Variants in ACTN4 observed in about 807,000 individuals in gnomAD.
ACTN4 encodes the protein alpha-actinin-4.
ACTN4 carries 18 observed loss-of-function variants against 114.2 expected under a neutral mutation model. That is an observed-to-expected ratio of 0.16 (90% CI 0.11 to 0.23). The LOEUF (loss-of-function observed/expected upper bound fraction) is 0.23. ACTN4 is among the 10% of genes least tolerant of loss of function. The pLI is 1.00. For synonymous variants in ACTN4, 515 were observed against 506.3 expected, an observed-to-expected ratio of 1.02 and a Z score of -0.23; for missense variants, 722 against 1,262.9, an observed-to-expected ratio of 0.57 and a Z score of 6.49.
In ACTN4 at chr19:38,729,916, C is replaced by T. The variant is rs1969425333; in HGVS notation, c.*484C>T. ...ACGGCTGGGGACCCACCCAGCCCCT[C>T]TCCCCTCTCTGCTCCAGACTCACTT... On this transcript the variant is annotated 3_prime_UTR_variant, in exon 21 of 21. Coordinates refer to ENST00000252699, the MANE Select transcript of ACTN4 (RefSeq NM_004924.6). The T allele has an allele frequency of 8.6e-6, 3 of 350,476 alleles. No homozygotes were observed. Among genetic ancestry groups the T allele is most frequent in the South Asian group, 2.1e-5 (1 of 47,138 alleles). 21.7% of individuals were successfully genotyped at this position (350,476 alleles called of 1,614,324 possible). A position where few individuals can be genotyped will look rare whatever the true frequency, so the allele number is the denominator to read the frequency against.
chr19:38,681,168 C>T (rs572199841), intron 1 of ACTN4, among the ~76,000 whole-genome samples: 1 of 146,778 alleles, frequency 6.8e-6, no homozygotes, highest in South Asian at 2.3e-4. Flanking sequence ...ATTCTAAACT[C>T]ACAGTGCTGC....
chr19:38,722,708 G>T (rs1278934691), intron 12 of ACTN4, among the ~76,000 whole-genome samples: 1 of 152,244 alleles, frequency 6.6e-6, no homozygotes, highest in Non-Finnish European at 1.5e-5. Context: ...ACCCTCGGGG[G>T]TGTGGGGGTG....
chr19:38,704,996 G>A lies in ACTN4; in HGVS notation c.460G>A (p.Ala154Thr), dbSNP rs1968409086. The change falls in exon 4 of 21, where the codon GCC (alanine) becomes ACC (threonine). Residue 154 changes from alanine to threonine, a missense_variant. This residue lies in a region of ACTN4 where 127 missense variants were observed against 311.3 expected (regional missense o/e 0.41). Transcript: ENST00000252699. ...GATCTGGACCATCATCCTTAGGTTC[G>A]CCATCCAGGACATCTCCGTGGAAGG... ...GMIWTIILRFAIQDISVEETS... is the reference protein window; with the variant it reads ...GMIWTIILRFTIQDISVEETS... 2 of 1,614,048 alleles carry A rather than the reference G, an allele frequency of 1.2e-6. No homozygotes were observed. The highest frequency in any genetic ancestry group is 1.3e-5 in the African/African-American group (1 of 74,934).
intron 7 of ACTN4, among the ~76,000 whole-genome samples, chr19:38,709,821 C>G (rs1443926611): frequency 6.6e-6 from 1 of 152,210 alleles, no homozygotes; most frequent in Non-Finnish European, 1.5e-5. Context: ...GCGAGCAACC[C>G]TGGCCTCTCC....
At chr19:38,678,583 T>C (rs1308859329) in intron 1 of ACTN4, among the ~76,000 whole-genome samples, 6 of 152,146 alleles carry the variant, frequency 3.9e-5, no homozygotes, top group East Asian at 3.8e-4. Flanking sequence ...TAGAGAAAGA[T>C]AGAGGATACG....
rs760358432 is a variant in ACTN4, at chr19:38,731,017, C to CA, written c.*1586dup. On this transcript the variant is annotated 3_prime_UTR_variant, in exon 21 of 21. Coordinates refer to ENST00000252699, the MANE Select transcript of ACTN4 (RefSeq NM_004924.6). The stretch of plus-strand genomic sequence containing the variant: ...CTCACCCCCATCCAGGTGCTGGCTG[C>CA]AGTGGCCTGTGCAGAGAGGGGCAGG... The CA allele has an allele frequency of 7.1e-6, 11 of 1,553,672 alleles. No individual in the cohort carries two copies. In the South Asian group the frequency reaches 1.3e-4, roughly 18 times the overall value.
intron 1 of ACTN4, among the ~76,000 whole-genome samples, chr19:38,649,237 T>G (rs1976482993): frequency 9.2e-6 from 1 of 109,008 alleles, no homozygotes; most frequent in Non-Finnish European, 1.8e-5. Flanking sequence ...TGATCAGAAG[T>G]GGAGTGGGAT....
rs1968889900 is a variant in ACTN4, at chr19:38,717,688, G to A, written c.1144-239G>A. The stretch of plus-strand genomic sequence containing the variant: ...GGACGGTACCACCTCCCCATCTATG[G>A]TATTCATCCATTCATTCATGCACTC... On this transcript the variant is annotated intron_variant, in intron 10 of 20. Transcript: ENST00000252699. This position sits in a 1 kb window ranked among gnomAD's most constrained non-coding sequence, Gnocchi z 4.0. Among the ~76,000 whole-genome samples, 1 of 152,182 alleles carries A rather than the reference G, an allele frequency of 6.6e-6. No individual in the cohort carries two copies. The highest frequency in any genetic ancestry group is 2.4e-5 in the African/African-American group (1 of 41,442).
intron 1 of ACTN4, among the ~76,000 whole-genome samples, chr19:38,665,534 A>G (rs539931167): frequency 3.9e-5 from 6 of 152,104 alleles, no homozygotes; most frequent in Non-Finnish European, 7.4e-5. Context: ...TCAGTGGGAA[A>G]CCAAAACATA....
intron 1 of ACTN4, among the ~76,000 whole-genome samples, chr19:38,665,752 G>T (rs901100864): frequency 6.6e-6 from 1 of 152,138 alleles, no homozygotes; most frequent in Non-Finnish European, 1.5e-5. Context: ...ATTTTGTGTT[G>T]GGATGTGCCA....
rs997177586 is a variant in ACTN4, at chr19:38,729,206, A to G, written c.2577+52A>G. ...GGGGGCTGGCGAGAGGGGTCCCTGC[A>G]GTGGGAGGGGCTGAGGGGGCCAGTG... On this transcript the variant is annotated intron_variant, in intron 20 of 20. Coordinates refer to ENST00000252699, the MANE Select transcript of ACTN4 (RefSeq NM_004924.6). 8.1e-6 allele frequency: 13 copies of G among 1,612,600 alleles called. No individual in the cohort carries two copies. In the African/African-American group the frequency reaches 1.1e-4, roughly 13 times the overall value.
At chr19:38,693,164 G>A (rs933137642) in intron 1 of ACTN4, among the ~76,000 whole-genome samples, 1 of 151,998 alleles carries the variant, frequency 6.6e-6, no homozygotes, top group Non-Finnish European at 1.5e-5. Context: ...CTTGTCAAGC[G>A]TGGGGTCCGT....
chr19:38,663,645 C>G (rs1003201077), intron 1 of ACTN4, among the ~76,000 whole-genome samples: 1 of 152,214 alleles, frequency 6.6e-6, no homozygotes, highest in Non-Finnish European at 1.5e-5. Context: ...GGCGTGCAAT[C>G]GAACATTTCT....
At chr19:38,673,497 T>TCATA (rs1228448276) in intron 1 of ACTN4, among the ~76,000 whole-genome samples, 27 of 67,708 alleles carry the variant, frequency 4.0e-4, no homozygotes, top group South Asian at 1.2e-3. Context: ...TCATATATAT[T>TCATA]TATATATATG....
At chr19:38,714,430 C>G in intron 8 of ACTN4, 39 bp from the exon 9 acceptor site, 2 of 1,598,566 alleles carry the variant, frequency 1.3e-6, no homozygotes, top group Non-Finnish European at 1.7e-6. Context: ...GGGAGGGTGG[C>G]CAGCCCCCAG....
At chr19:38,718,920 C>A (rs35640008) in intron 11 of ACTN4, among the ~76,000 whole-genome samples, 8,594 of 152,310 alleles carry the variant, frequency 0.056, 260 homozygotes, top group South Asian at 0.096. Flanking sequence ...CGGACCACAG[C>A]CAGTGCTCAC....
rs1158525395 is a variant in ACTN4 at position 38,727,617 on chromosome 19, G to A, written c.2338-329G>A. ...CCTCTGTCCCACTCCAAATCCCAAA[G>A]GCAAGGAGAACCCCCCCCCCGACCC... On this transcript the variant is annotated intron_variant, in intron 18 of 20. Coordinates refer to ENST00000252699, the MANE Select transcript of ACTN4 (RefSeq NM_004924.6). The surrounding 1 kb of genome is among the most constrained non-coding windows in gnomAD (Gnocchi z 5.4). 6.7e-6 allele frequency among the ~76,000 whole-genome samples: 1 copy of A among 148,980 alleles called. No individual in the cohort carries two copies. Among genetic ancestry groups the A allele is most frequent in the African/African-American group, 2.5e-5 (1 of 40,470 alleles).
chr19:38,669,383 C>T (rs1337221383), intron 1 of ACTN4, among the ~76,000 whole-genome samples: 1 of 152,148 alleles, frequency 6.6e-6, no homozygotes, highest in Non-Finnish European at 1.5e-5. Context: ...CATCTCCTGG[C>T]CAAGGAAACT....
intron 9 of ACTN4, among the ~76,000 whole-genome samples, chr19:38,716,490 G>A (rs898961715): frequency 9.2e-5 from 14 of 152,274 alleles, no homozygotes; most frequent in African/African-American, 3.4e-4. Flanking sequence ...TTTTTGGCGG[G>A]GGCATGGGAG....
Sources: allele counts gnomAD v4.1 joint callset (sites outside exome capture counted in the v4.1 genomes callset), GRCh38; gene constraint gnomAD v4.1.1; regional missense constraint gnomAD v4.1.1; non-coding constraint Gnocchi (gnomAD v3.1); transcripts MANE v1.5; gene names NCBI Gene and HGNC (gene_info 2026-07-23, HGNC 2026-07-21).